Variants in RGS6 observed in about 807,000 individuals in gnomAD.
RGS6 encodes regulator of G protein signaling 6.
In RGS6, 30 loss-of-function variants were observed where a neutral mutation model predicts 78.5. The observed-to-expected ratio is 0.38, with a 90% CI of 0.29 to 0.52. The LOEUF is 0.52. Ranked by LOEUF, RGS6 falls within the 20% of genes least tolerant of loss-of-function variation. RGS6 has a pLI of 0.85. For synonymous variants in RGS6, 206 were observed against 206.0 expected (o/e 1.00, Z 0.00); for missense variants, 495 against 609.7 (o/e 0.81, Z 1.98).
intron 2 of RGS6, among the ~76,000 whole-genome samples, chr14:72,207,789 C>G (rs143042629): frequency 2.0e-5 from 3 of 152,184 alleles, no homozygotes; most frequent in Non-Finnish European, 4.4e-5. Context: ...CTTTTCCTGA[C>G]AAAACAGTTC....
chr14:72,082,205 A>T (rs56027785), intron 2 of RGS6, among the ~76,000 whole-genome samples: 24,041 of 151,984 alleles, frequency 0.16, 1,953 homozygotes, highest in Admixed American at 0.22. Context: ...TGGTATTGTG[A>T]TAAAGATTAA....
intron 3 of RGS6, among the ~76,000 whole-genome samples, chr14:72,369,879 A>G (rs1166352411): frequency 6.6e-6 from 1 of 152,212 alleles, no homozygotes; most frequent in African/African-American, 2.4e-5. Context: ...GCCAAAATTT[A>G]TACATACATA....
intron 2 of RGS6, among the ~76,000 whole-genome samples, chr14:72,210,456 A>G (rs2153752614): frequency 6.6e-6 from 1 of 152,318 alleles, no homozygotes; most frequent in Non-Finnish European, 1.5e-5. Context: ...TCACATTATG[A>G]GTGTATTTAG....
At chr14:72,546,941 CACTTT>C (rs1380530481) in intron 17 of RGS6, among the ~76,000 whole-genome samples, 1 of 152,230 alleles carries the variant, frequency 6.6e-6, no homozygotes, top group Non-Finnish European at 1.5e-5. Context: ...AAGGTGCTCT[CACTTT>C]ACAAGCGGCT....
At chr14:72,011,725 A>G (rs1480260923) in intron 2 of RGS6, among the ~76,000 whole-genome samples, 4 of 152,144 alleles carry the variant, frequency 2.6e-5, no homozygotes, top group African/African-American at 7.2e-5. Flanking sequence ...AAAATACTAC[A>G]CCACTTTATA....
At chr14:72,260,485 G>A (rs1218088543) in intron 2 of RGS6, among the ~76,000 whole-genome samples, 1 of 152,194 alleles carries the variant, frequency 6.6e-6, no homozygotes, top group East Asian at 1.9e-4. Context: ...CACAGCTCTA[G>A]CCAACATTAG....
chr14:72,382,243 T>C (rs2086344610), intron 3 of RGS6, among the ~76,000 whole-genome samples: 1 of 151,978 alleles, frequency 6.6e-6, no homozygotes, highest in Non-Finnish European at 1.5e-5. Context: ...CTTCTAAAAA[T>C]TGAGAAAACA....
At chr14:72,502,532 G>T (rs10131083) in intron 13 of RGS6, among the ~76,000 whole-genome samples, 2 of 152,230 alleles carry the variant, frequency 1.3e-5, no homozygotes, top group East Asian at 1.9e-4. Flanking sequence ...TTGGGAGGCC[G>T]AGGCAAGCGG....
the RGS6 span, among the ~76,000 whole-genome samples, chr14:72,591,197 C>T: frequency 1.3e-5 from 2 of 151,756 alleles, no homozygotes; most frequent in South Asian, 4.2e-4. Context: ...TTTATAAACA[C>T]GAAAACCCGT....
At chr14:72,096,518 T>C (rs1197444825) in intron 2 of RGS6, among the ~76,000 whole-genome samples, 3 of 152,186 alleles carry the variant, frequency 2.0e-5, no homozygotes, top group Non-Finnish European at 4.4e-5. Context: ...TATTTTTCTT[T>C]TATTTCCTTG....
intron 3 of RGS6, among the ~76,000 whole-genome samples, chr14:72,356,705 A>G (rs555736309): frequency 6.6e-4 from 100 of 152,158 alleles, no homozygotes; most frequent in African/African-American, 2.1e-3. Flanking sequence ...CATGATGGTG[A>G]GTGAGTTCTA....
At chr14:72,238,681 C>A (rs2153821008) in intron 2 of RGS6, among the ~76,000 whole-genome samples, 1 of 152,246 alleles carries the variant, frequency 6.6e-6, no homozygotes, top group South Asian at 2.1e-4. Context: ...TGACCTAAGC[C>A]AATCTGGTAC....
intron 2 of RGS6, among the ~76,000 whole-genome samples, chr14:72,025,246 C>T (rs1483329211): frequency 6.6e-6 from 1 of 151,714 alleles, no homozygotes; most frequent in East Asian, 1.9e-4. Context: ...GAGCCCTCTG[C>T]TCCAACAGGG....
At chr14:72,264,104 A>G (rs966386394) in intron 2 of RGS6, among the ~76,000 whole-genome samples, 12 of 152,212 alleles carry the variant, frequency 7.9e-5, no homozygotes, top group African/African-American at 1.4e-4. Context: ...GTAGCCTTAT[A>G]TCAGTTCAGG....
intron 3 of RGS6, among the ~76,000 whole-genome samples, chr14:72,384,109 A>G (rs2087100124): frequency 1.3e-5 from 2 of 152,240 alleles, no homozygotes; most frequent in Admixed American, 1.3e-4. Context: ...AGTGCCTAAC[A>G]GGGTGGAACT....
chr14:72,082,687 C>T (rs559956875), intron 2 of RGS6, among the ~76,000 whole-genome samples: 54 of 151,910 alleles, frequency 3.6e-4, no homozygotes, highest in African/African-American at 1.2e-3. Context: ...TTATATACTA[C>T]GTTGGTTTTC....
chr14:72,527,935 A>ATCACAAGAAGCTCT (rs768332138), intron 15 of RGS6, among the ~76,000 whole-genome samples: 8 of 152,202 alleles, frequency 5.3e-5, no homozygotes, highest in Non-Finnish European at 8.8e-5. Flanking sequence ...ATACTTGAAA[A>ATCACAAGAAGCTCT]TCACAAGAAG....
chr14:72,030,930 T>C (rs1349829151), intron 2 of RGS6, among the ~76,000 whole-genome samples: 1 of 152,038 alleles, frequency 6.6e-6, no homozygotes. Flanking sequence ...TGGGGCTTGA[T>C]AGCACTTACA....
intron 13 of RGS6, among the ~76,000 whole-genome samples, chr14:72,508,715 A>G (rs1293656632): frequency 6.6e-6 from 1 of 152,076 alleles, no homozygotes; most frequent in Admixed American, 6.5e-5. Flanking sequence ...TAAAAGAGGA[A>G]AAATGAGTAT....
Sources: allele counts gnomAD v4.1 joint callset (sites outside exome capture counted in the v4.1 genomes callset), GRCh38; gene constraint gnomAD v4.1.1; transcripts MANE v1.5; gene names NCBI Gene and HGNC (gene_info 2026-07-23, HGNC 2026-07-21).